GPATCH2: variants seen among roughly 807,000 people sequenced by gnomAD.
GPATCH2 encodes the protein G patch domain-containing protein 2.
Under a neutral mutation model 58.0 loss-of-function variants are expected in GPATCH2, and 51 were observed. The ratio of observed to expected loss-of-function variants is 0.88; its 90% CI spans 0.70 to 1.11. The LOEUF (loss-of-function observed/expected upper bound fraction) is 1.11. Ranked by LOEUF, GPATCH2 falls within the 50% of genes most tolerant of loss-of-function variation. The probability of loss-of-function intolerance (pLI) is 0.00; values close to 1 mark genes in which losing one functional copy is unlikely to be tolerated. For synonymous variants in GPATCH2, 222 were observed against 218.5 expected (o/e 1.02, Z -0.14); for missense variants, 625 against 652.2 (o/e 0.96, Z 0.45).
At chr1:217,608,561 A>T (rs986111992) in intron 5 of GPATCH2, 1 of 985,150 alleles carries the variant, frequency 1.0e-6, no homozygotes, top group Non-Finnish European at 1.2e-6. Context: ...TGGGCTACAA[A>T]TCCCAGCTAT....
intron 5 of GPATCH2, among the ~76,000 whole-genome samples, chr1:217,546,149 G>C (rs375229363): frequency 5.9e-5 from 9 of 152,188 alleles, no homozygotes; most frequent in African/African-American, 2.2e-4. Flanking sequence ...ATAAGAGATG[G>C]CACAAGCAAA....
intron 5 of GPATCH2, chr1:217,609,195 A>C: frequency 2.0e-6 from 2 of 983,658 alleles, no homozygotes; most frequent in Non-Finnish European, 2.4e-6. Context: ...CATCAATAGA[A>C]ACATTACATT....
chr1:217,619,671 TATC>T (rs1275589076), intron 2 of GPATCH2, 109 bp downstream of exon 2: 1 of 449,310 alleles, frequency 2.2e-6, no homozygotes, highest in Non-Finnish European at 3.8e-6. Flanking sequence ...GTAATATCAC[TATC>T]ATTATTACAA....
chr1:217,595,067 T>C (rs1667761431), intron 5 of GPATCH2, among the ~76,000 whole-genome samples: 2 of 152,226 alleles, frequency 1.3e-5, no homozygotes, highest in Non-Finnish European at 1.5e-5. Context: ...TTAGATTAAT[T>C]GGTATTTCCT....
At chr1:217,550,669 A>C (rs984284919) in intron 5 of GPATCH2, among the ~76,000 whole-genome samples, 2 of 151,968 alleles carry the variant, frequency 1.3e-5, no homozygotes, top group African/African-American at 4.8e-5. Context: ...GAAACCCATA[A>C]AGTAAAATTT....
chr1:217,463,348 T>G (rs1414731238), intron 8 of GPATCH2, among the ~76,000 whole-genome samples: 1 of 152,092 alleles, frequency 6.6e-6, no homozygotes, highest in African/African-American at 2.4e-5. Context: ...GTAGAGATGG[T>G]ATAGTTTACT....
chr1:217,496,769 C>G (rs1662028712), intron 7 of GPATCH2, among the ~76,000 whole-genome samples: 1 of 152,128 alleles, frequency 6.6e-6, no homozygotes, highest in African/African-American at 2.4e-5. Flanking sequence ...AAACCTAACC[C>G]TGTATTTCCC....
chr1:217,612,837 C>G (rs1005999181), intron 3 of GPATCH2, among the ~76,000 whole-genome samples: 2 of 152,116 alleles, frequency 1.3e-5, no homozygotes, highest in Admixed American at 1.3e-4. Context: ...TACTTCAACT[C>G]TATTAGAGTC....
At chr1:217,456,508 G>GA (rs1304383093) in intron 8 of GPATCH2, among the ~76,000 whole-genome samples, 2 of 152,184 alleles carry the variant, frequency 1.3e-5, no homozygotes, top group Non-Finnish European at 2.9e-5. Context: ...TGCTAGTGAA[G>GA]GACTCTCCTG....
chr1:217,568,296 T>G (rs939553054), intron 5 of GPATCH2, among the ~76,000 whole-genome samples: 1 of 152,176 alleles, frequency 6.6e-6, no homozygotes, highest in African/African-American at 2.4e-5. Flanking sequence ...AAAAGCTGAA[T>G]GTACAGAATG....
intron 9 of GPATCH2, among the ~76,000 whole-genome samples, chr1:217,447,872 C>A (rs531077177): frequency 6.6e-6 from 1 of 152,038 alleles, no homozygotes; most frequent in African/African-American, 2.4e-5. Context: ...CCGAGGTGGG[C>A]GGATCACCTG....
rs537986481 is a variant in GPATCH2 at position 217,443,966 on chromosome 1, C to T, written c.1366+5283G>A. On this transcript the variant is annotated intron_variant, in intron 9 of 9. Transcript: ENST00000366935. ...ACTTTTTAGTTTTGGTTTATGAGAT[C>T]GTCATTGGTAGGTTTTTATTTGTGG... 3.9e-5 allele frequency among the ~76,000 whole-genome samples: 6 copies of T among 151,964 alleles called. No homozygotes were observed. In the South Asian group the frequency reaches 8.3e-4, roughly 21 times the overall value.
At chr1:217,537,278 G>A (rs952968171) in intron 5 of GPATCH2, among the ~76,000 whole-genome samples, 3 of 152,062 alleles carry the variant, frequency 2.0e-5, no homozygotes, top group African/African-American at 7.2e-5. Flanking sequence ...ACCCTGCTAG[G>A]TAGCAAATCC....
intron 5 of GPATCH2, among the ~76,000 whole-genome samples, chr1:217,573,102 G>T (rs2102723063): frequency 6.6e-6 from 1 of 152,240 alleles, no homozygotes. Flanking sequence ...ACTTTTTAAA[G>T]TCAAATACCG....
intron 9 of GPATCH2, among the ~76,000 whole-genome samples, chr1:217,440,062 C>T (rs1659062576): frequency 6.6e-6 from 1 of 151,176 alleles, no homozygotes; most frequent in East Asian, 1.9e-4. Flanking sequence ...GACACAACAA[C>T]AAAAAATTTC....
chr1:217,486,526 T>G (rs1661461003), intron 8 of GPATCH2, among the ~76,000 whole-genome samples: 1 of 152,026 alleles, frequency 6.6e-6, no homozygotes, highest in Non-Finnish European at 1.5e-5. Context: ...AGAGACAGAG[T>G]CTCACTATGT....
At chr1:217,492,037 C>T (rs1373019656) in intron 7 of GPATCH2, among the ~76,000 whole-genome samples, 1 of 152,064 alleles carries the variant, frequency 6.6e-6, no homozygotes, top group Non-Finnish European at 1.5e-5. Flanking sequence ...GACAGCTAAA[C>T]TGCCCTCTTA....
chr1:217,619,623 C>T (rs147442926), intron 2 of GPATCH2, among the ~76,000 whole-genome samples, 160 bp downstream of exon 2: 4 of 152,110 alleles, frequency 2.6e-5, no homozygotes, highest in African/African-American at 9.6e-5. Context: ...TTGTGCTAAA[C>T]ATCATAAAGT....
rs1221749728 is a variant in GPATCH2, at chr1:217,429,179, A to T, written c.*1966T>A. 1 of 152,124 alleles carries T rather than the reference A, an allele frequency of 6.6e-6. No individual in the cohort carries two copies. The highest frequency in any genetic ancestry group is 1.5e-5 in the Non-Finnish European group (1 of 68,020). 9.4% of individuals were successfully genotyped at this position (152,124 alleles called of 1,614,324 possible). A position where few individuals can be genotyped will look rare whatever the true frequency, so the allele number is the denominator to read the frequency against. ...CAAAGAAGTTTTAAAACTTGTATAT[A>T]ATCTCCCCCCGGCTACATAGACAGA... On this transcript the variant is annotated 3_prime_UTR_variant, in exon 10 of 10. Coordinates refer to ENST00000366935, the MANE Select transcript of GPATCH2 (RefSeq NM_018040.5).
Sources: gnomAD v4.1 joint callset for allele counts (sites outside exome capture counted in the v4.1 genomes callset) on GRCh38, gnomAD v4.1.1 for gene constraint, MANE v1.5 for transcripts, NCBI Gene and HGNC (gene_info 2026-07-23, HGNC 2026-07-21) for gene names.